MAST2: variants seen among roughly 807,000 people sequenced by gnomAD.
MAST2 encodes the protein microtubule-associated serine/threonine-protein kinase 2.
Under a neutral mutation model 147.4 loss-of-function variants are expected in MAST2, and 70 were observed. The observed-to-expected ratio is 0.47, with a 90% CI of 0.39 to 0.58. MAST2 has a LOEUF of 0.58. MAST2 is among the 20% of genes least tolerant of loss of function. MAST2 has a pLI of 0.00. For missense variants in MAST2, 2,080 were observed against 2,302.3 expected, an observed-to-expected ratio of 0.90 and a Z score of 1.98; for synonymous variants, 869 against 896.8, an observed-to-expected ratio of 0.97 and a Z score of 0.55.
chr1:45,883,500 C>T (rs1482670320), intron 4 of MAST2, among the ~76,000 whole-genome samples: 2 of 152,130 alleles, frequency 1.3e-5, no homozygotes, highest in Non-Finnish European at 2.9e-5. Flanking sequence ...CTTTGTAAAC[C>T]TAGACAAATC....
chr1:45,994,158 A>G (rs186342105), intron 5 of MAST2, among the ~76,000 whole-genome samples: 15 of 152,152 alleles, frequency 9.9e-5, no homozygotes, highest in African/African-American at 3.4e-4. Context: ...TTATTTTATA[A>G]GCATGATTGA....
intron 3 of MAST2, among the ~76,000 whole-genome samples, chr1:45,872,550 G>A (rs372201187): frequency 4.7e-5 from 7 of 150,522 alleles, no homozygotes; most frequent in Admixed American, 1.3e-4. Context: ...GGGCAATCTC[G>A]GCTCACCGCA....
In MAST2 at chr1:45,959,403, G is replaced by C. The variant is rs750589031; in HGVS notation, c.518G>C (p.Arg173Pro). 2.5e-6 allele frequency: 4 copies of C among 1,613,624 alleles called. No individual in the cohort carries two copies. Among genetic ancestry groups the C allele is most frequent in the East Asian group, 4.5e-5 (2 of 44,874 alleles). ...RRGSFCRTSN[R>P]KSLIVTSSTS... ...CATTGCAGTTGTCGGACAAGTAACCGCAAGAGCTTGATTGTGACCTCTAGC... is the reference window on the plus strand; with the variant it reads ...CATTGCAGTTGTCGGACAAGTAACCCCAAGAGCTTGATTGTGACCTCTAGC... The change falls in exon 5 of 29, where the codon CGC becomes CCC. Residue 173 changes from arginine (R) to proline (P), a missense_variant. Transcript: ENST00000361297.
intron 3 of MAST2, among the ~76,000 whole-genome samples, chr1:45,837,151 A>T (rs1378343147): frequency 6.6e-6 from 1 of 152,156 alleles, no homozygotes; most frequent in Non-Finnish European, 1.5e-5. Flanking sequence ...CCTGGTATAG[A>T]ATATATAATG....
At chr1:45,875,809 G>C (rs1318131530) in intron 3 of MAST2, among the ~76,000 whole-genome samples, 2 of 152,110 alleles carry the variant, frequency 1.3e-5, no homozygotes, top group African/African-American at 4.8e-5. Context: ...AAGATCAGCT[G>C]AGTTTTAGAC....
intron 4 of MAST2, among the ~76,000 whole-genome samples, chr1:45,905,011 A>G (rs548677240): frequency 6.6e-6 from 1 of 151,606 alleles, no homozygotes; most frequent in Admixed American, 6.6e-5. Context: ...TGATCTCCCT[A>G]TGTTGCTCAT....
chr1:46,032,932 A>G (rs1571301116), intron 26 of MAST2, among the ~76,000 whole-genome samples: 2 of 149,744 alleles, frequency 1.3e-5, no homozygotes, highest in African/African-American at 4.9e-5. Flanking sequence ...GAAGTTTGAG[A>G]CCAGCCTAGC....
chr1:45,839,350 A>G (rs6676435), intron 3 of MAST2, among the ~76,000 whole-genome samples: 152,058 of 152,216 alleles, frequency 1, 75,952 homozygotes, highest in Middle Eastern at 1. Context: ...GGCTGGTCTC[A>G]AACTCCTGAC....
At chr1:45,904,747 C>T (rs530569179) in intron 4 of MAST2, among the ~76,000 whole-genome samples, 8 of 151,266 alleles carry the variant, frequency 5.3e-5, no homozygotes, top group African/African-American at 1.5e-4. Context: ...ATTACAGGCA[C>T]GAGCCACCGC....
chr1:45,850,836 C>CTTT (rs35427966), intron 3 of MAST2, among the ~76,000 whole-genome samples: 10 of 113,566 alleles, frequency 8.8e-5, no homozygotes, highest in Non-Finnish European at 1.3e-4. Context: ...CAGTACTATG[C>CTTT]TTTTTTTTTT....
intron 10 of MAST2, among the ~76,000 whole-genome samples, chr1:46,016,222 C>A (rs139100887): frequency 1.0e-5 from 1 of 96,400 alleles, no homozygotes; most frequent in Non-Finnish European, 2.3e-5. Context: ...CAATATCATA[C>A]TGAATTGAAT....
chr1:45,959,963 G>T (rs1660176280), intron 5 of MAST2, among the ~76,000 whole-genome samples: 1 of 152,172 alleles, frequency 6.6e-6, no homozygotes, highest in South Asian at 2.1e-4. Context: ...TAGAAACGAG[G>T]TCTCTCTATG....
In MAST2 at chr1:45,952,902, A is replaced by G. The variant is rs557601951; in HGVS notation, c.501-6484A>G. 2.6e-5 allele frequency among the ~76,000 whole-genome samples: 4 copies of G among 152,344 alleles called. No homozygotes were observed. The East Asian group carries it at 7.7e-4, about 29-fold the overall frequency. On this transcript the variant is annotated intron_variant, in intron 4 of 28. Coordinates refer to ENST00000361297, the MANE Select transcript of MAST2 (RefSeq NM_015112.3). ...GAAATACATGAGATCCCAAGAGGGA[A>G]TGTTAAGCAGTGAAATTAGAAAATA...
intron 4 of MAST2, among the ~76,000 whole-genome samples, chr1:45,912,706 G>A (rs1651866197): frequency 6.6e-6 from 1 of 152,244 alleles, no homozygotes; most frequent in Non-Finnish European, 1.5e-5. Context: ...TTAGCTGCCA[G>A]GGTTTAGCTC....
chr1:46,027,037 G>A (rs1400064254), intron 16 of MAST2, among the ~76,000 whole-genome samples: 1 of 152,190 alleles, frequency 6.6e-6, no homozygotes, highest in East Asian at 1.9e-4. Flanking sequence ...TTTTCACTGA[G>A]GAGGGGAACC....
rs567057173 is a variant in MAST2 at position 46,031,996 on chromosome 1, T to C, written c.3188-182T>C. On this transcript the variant is annotated intron_variant, in intron 24 of 28. Coordinates refer to ENST00000361297, the MANE Select transcript of MAST2 (RefSeq NM_015112.3). This position sits in a 1 kb window ranked among gnomAD's most constrained non-coding sequence, Gnocchi z 4.1. ...CATAAATGCTAGCTGCCATTTCTCA[T>C]CACCACCACCGTCTCTTGGGGTCTG... Among the ~76,000 whole-genome samples the C allele has an allele frequency of 6.6e-6, 1 of 152,180 alleles. No individual in the cohort carries two copies. Among genetic ancestry groups the C allele is most frequent in the Non-Finnish European group, 1.5e-5 (1 of 68,038 alleles).
intron 5 of MAST2, among the ~76,000 whole-genome samples, chr1:45,961,114 C>A (rs1329252615): frequency 6.6e-6 from 1 of 152,052 alleles, no homozygotes; most frequent in Non-Finnish European, 1.5e-5. Flanking sequence ...TTCCAAGAAT[C>A]AGTAAATCTC....
At chr1:45,931,249 T>C (rs1205332964) in intron 4 of MAST2, among the ~76,000 whole-genome samples, 1 of 152,208 alleles carries the variant, frequency 6.6e-6, no homozygotes, top group East Asian at 1.9e-4. Flanking sequence ...CTCAATACTT[T>C]TGAAGATTAC....
At chr1:45,851,277 T>C (rs4557909) in intron 3 of MAST2, among the ~76,000 whole-genome samples, 121,115 of 152,032 alleles carry the variant, frequency 0.8, 48,726 homozygotes, top group East Asian at 0.98. Context: ...TCAGCTTGAA[T>C]GTTACTGGTA....
Sources: allele counts gnomAD v4.1 joint callset (sites outside exome capture counted in the v4.1 genomes callset), GRCh38; gene constraint gnomAD v4.1.1; non-coding constraint Gnocchi (gnomAD v3.1); transcripts MANE v1.5; gene names NCBI Gene and HGNC (gene_info 2026-07-23, HGNC 2026-07-21).